Variants in TXNDC8 observed in about 807,000 individuals in gnomAD.
TXNDC8 encodes thioredoxin domain containing 8.
Under a neutral mutation model 12.9 loss-of-function variants are expected in TXNDC8, and 15 were observed. That is an observed-to-expected ratio of 1.16 (90% confidence interval 0.78 to 1.79). The LOEUF (loss-of-function observed/expected upper bound fraction) is 1.79, where lower values mean the gene tolerates loss of function less well. Ranked by LOEUF, TXNDC8 falls within the 40% of genes most tolerant of loss-of-function variation. The pLI, the probability that TXNDC8 is intolerant of heterozygous loss-of-function variation, is 0.00. For synonymous variants in TXNDC8, 40 were observed against 35.4 expected (o/e 1.13, Z -0.46); for missense variants, 128 against 113.2 (o/e 1.13, Z -0.59).
chr9:110,326,073 T>TTAA, intron 3 of TXNDC8, 102 bp downstream of exon 4: 1 of 1,118,786 alleles, frequency 8.9e-7, no homozygotes, highest in South Asian at 1.4e-5. Flanking sequence ...GCATTAAAAA[T>TTAA]AAATGTAGTT....
chr9:110,315,382 G>T (rs1838844045), intron 3 of TXNDC8, among the ~76,000 whole-genome samples: 1 of 152,120 alleles, frequency 6.6e-6, no homozygotes, highest in Non-Finnish European at 1.5e-5. Context: ...ACAAGTGTGA[G>T]CCACTGCACC....
At position 110,334,300 on chromosome 9, in the gene TXNDC8, C is replaced by CA. The variant is rs1253477970; in HGVS notation, c.44dup (p.Leu15PhefsTer30). ...CTGCGAGTTTGTGTCCGGCAGCTGT[C>CA]AAAAATGTTTTAAATTCATTCTGAA... is the stretch of plus-strand genomic sequence containing the variant. On this transcript the variant is annotated frameshift_variant, in exon 2 of 5. Coordinates refer to ENST00000423740, the MANE Select transcript of TXNDC8 (RefSeq NM_001286946.2). LOFTEE classifies it high-confidence loss of function. The CA allele has an allele frequency of 2.5e-6, 4 of 1,613,238 alleles. No homozygotes were observed. In the Admixed American group the frequency reaches 6.7e-5, roughly 27 times the overall value.
At chr9:110,314,667 C>G (rs989809834) in intron 3 of TXNDC8, among the ~76,000 whole-genome samples, 1 of 152,056 alleles carries the variant, frequency 6.6e-6, no homozygotes. Context: ...CTCCTGACCT[C>G]GTGATCCGCC....
At chr9:110,323,860 A>G in intron 3 of TXNDC8, 1 of 1,549,466 alleles carries the variant, frequency 6.5e-7, no homozygotes, top group Non-Finnish European at 8.7e-7. Flanking sequence ...AGTGATATCA[A>G]AGGAGAAGGT....
chr9:110,327,403 A>G (rs1367478925), intron 2 of TXNDC8, among the ~76,000 whole-genome samples: 2 of 151,602 alleles, frequency 1.3e-5, no homozygotes, highest in African/African-American at 4.9e-5. Context: ...GCTCACTGCA[A>G]CCTCTGCCTC....
intron 2 of TXNDC8, among the ~76,000 whole-genome samples, chr9:110,328,995 A>G (rs72759053): frequency 0.09 from 13,762 of 152,260 alleles, 631 homozygotes; most frequent in Middle Eastern, 0.11. Flanking sequence ...GCCACAGCAT[A>G]AGAGGGGAGA....
At chr9:110,312,720 A>G (rs1163757352) in intron 3 of TXNDC8, among the ~76,000 whole-genome samples, 1 of 152,264 alleles carries the variant, frequency 6.6e-6, no homozygotes, top group Non-Finnish European at 1.5e-5. Context: ...TCCAAGTATA[A>G]TAAAGCAAAT....
chr9:110,322,770 G>T lies in TXNDC8; in HGVS notation c.195+3405C>A, dbSNP rs1029394231. 5.1e-6 allele frequency: 5 copies of T among 985,436 alleles called. No homozygotes were observed. In the African/African-American group the frequency reaches 8.7e-5, roughly 17 times the overall value. The allele number at this position is 985,436 out of a possible 1,614,324, so 61.0% of individuals were successfully genotyped here. A position where few individuals can be genotyped will look rare whatever the true frequency, so the allele number is the denominator to read the frequency against. On this transcript the variant is annotated intron_variant, in intron 3 of 4. Transcript: ENST00000423740. ...TGGTACCAGGACAGAATCAGGAGGA[G>T]AGGCTGAGCTGGCAGTGGGATGCAG...
chr9:110,334,678 AG>A (rs1378206982), intron 1 of TXNDC8, among the ~76,000 whole-genome samples: 9 of 152,302 alleles, frequency 5.9e-5, no homozygotes, highest in African/African-American at 2.2e-4. Flanking sequence ...TGCACCAAAA[AG>A]GTTGGTAATG....
At chr9:110,310,200 G>GGT (rs67807947) in intron 3 of TXNDC8, among the ~76,000 whole-genome samples, 2,974 of 149,450 alleles carry the variant, frequency 0.02, 60 homozygotes, top group African/African-American at 0.058. Flanking sequence ...CTTTGTGTGT[G>GGT]GTGTGTGTGT....
chr9:110,331,200 G>T (rs1441353628), intron 2 of TXNDC8, among the ~76,000 whole-genome samples: 1 of 152,174 alleles, frequency 6.6e-6, no homozygotes, highest in Non-Finnish European at 1.5e-5. Flanking sequence ...TTGGTGGAAA[G>T]TGAGGTCATG....
chr9:110,327,525 G>A (rs113525612), intron 2 of TXNDC8, among the ~76,000 whole-genome samples: 40 of 152,172 alleles, frequency 2.6e-4, no homozygotes, highest in African/African-American at 8.4e-4. Flanking sequence ...GGTTCGCCAC[G>A]TTGGCCAGGC....
intron 3 of TXNDC8, chr9:110,324,048 G>A (rs1435734953): frequency 1.6e-5 from 25 of 1,539,918 alleles, no homozygotes; most frequent in Non-Finnish European, 1.5e-5. Context: ...TGGTTCCTTG[G>A]AGGAAAATCA....
chr9:110,326,976 G>C (rs1021550958), intron 2 of TXNDC8, among the ~76,000 whole-genome samples: 1 of 38,356 alleles, frequency 2.6e-5, no homozygotes, highest in East Asian at 3.9e-4. Context: ...ACACACACAC[G>C]TGAAGACATA....
intron 3 of TXNDC8, among the ~76,000 whole-genome samples, chr9:110,307,034 A>G (rs1415890926): frequency 6.6e-6 from 1 of 151,634 alleles, no homozygotes; most frequent in Admixed American, 6.6e-5. Flanking sequence ...CTTGAACCCC[A>G]GGGCTCAAGT....
intron 3 of TXNDC8, among the ~76,000 whole-genome samples, chr9:110,314,673 C>G (rs1218625692): frequency 6.6e-6 from 1 of 152,068 alleles, no homozygotes; most frequent in African/African-American, 2.4e-5. Flanking sequence ...ACCTCGTGAT[C>G]CGCCCACCTC....
chr9:110,325,190 A>G lies in TXNDC8; in HGVS notation c.195+985T>C, dbSNP rs1380360064. Among the ~76,000 whole-genome samples, 4 of 152,134 alleles carry G rather than the reference A, an allele frequency of 2.6e-5. No individual in the cohort carries two copies. In the South Asian group the frequency reaches 6.2e-4, roughly 24 times the overall value. ...CTGAATATTTTAGACATTTTATTCC[A>G]TTAATATTTTTAAGATAACTAACAT... On this transcript the variant is annotated intron_variant, in intron 3 of 4. Coordinates refer to ENST00000423740, the MANE Select transcript of TXNDC8 (RefSeq NM_001286946.2).
At chr9:110,323,888 A>G (rs1052817653) in intron 3 of TXNDC8, 25 of 1,550,754 alleles carry the variant, frequency 1.6e-5, no homozygotes, top group Non-Finnish European at 1.7e-5. Context: ...CTAGCTGCTT[A>G]AGCAAAGTCC....
intron 1 of TXNDC8, among the ~76,000 whole-genome samples, chr9:110,334,701 C>T (rs895448839): frequency 5.9e-5 from 9 of 152,128 alleles, no homozygotes; most frequent in Non-Finnish European, 1.0e-4. Flanking sequence ...AAGTTGATAA[C>T]GGTGGTTACC....
Sources: gnomAD v4.1 joint callset for allele counts (sites outside exome capture counted in the v4.1 genomes callset) on GRCh38, gnomAD v4.1.1 for gene constraint, MANE v1.5 for transcripts, NCBI Gene and HGNC (gene_info 2026-07-23, HGNC 2026-07-21) for gene names.